SUCLG2: variants seen among roughly 807,000 people sequenced by gnomAD.
SUCLG2 encodes the protein succinate-CoA ligase GDP-forming subunit beta, also known as succinate--CoA ligase [GDP-forming] subunit beta, mitochondrial.
A neutral mutation model predicts 47.9 loss-of-function variants in SUCLG2; 42 were observed. That is an observed-to-expected ratio of 0.88 (90% confidence interval 0.69 to 1.14). The LOEUF is 1.14. SUCLG2 is among the 50% of genes most tolerant of loss of function. SUCLG2 has a pLI of 0.00. For synonymous variants in SUCLG2, 195 were observed against 197.3 expected, an observed-to-expected ratio of 0.99 and a Z score of 0.10; for missense variants, 571 against 525.9, an observed-to-expected ratio of 1.09 and a Z score of -0.84.
chr3:67,630,641 G>C (rs1036849891), intron 1 of SUCLG2, among the ~76,000 whole-genome samples: 5 of 152,200 alleles, frequency 3.3e-5, no homozygotes, highest in African/African-American at 1.2e-4. Flanking sequence ...AAGATGCCCA[G>C]CACTTGTACC....
chr3:67,654,311 G>C (rs1051471423), intron 1 of SUCLG2, among the ~76,000 whole-genome samples, 192 bp downstream of exon 1: 1 of 152,312 alleles, frequency 6.6e-6, no homozygotes, highest in South Asian at 2.1e-4. Context: ...GGCTGCCGCC[G>C]CGCCGCCCCT....
chr3:67,575,079 T>G (rs182696380), intron 2 of SUCLG2, among the ~76,000 whole-genome samples: 1 of 152,138 alleles, frequency 6.6e-6, no homozygotes, highest in Non-Finnish European at 1.5e-5. Flanking sequence ...TATAAAGAAA[T>G]AGAAACTTTC....
In SUCLG2 at chr3:67,592,726, AAAAAAAAAAACAAC is replaced by A. The variant is rs1404384647; in HGVS notation, c.226+16715_226+16728del. Among the ~76,000 whole-genome samples, 136 of 123,252 alleles carry A rather than the reference AAAAAAAAAAACAAC, an allele frequency of 1.1e-3. 6 individuals carry two copies. The highest frequency in any genetic ancestry group is 3.8e-3 in the African/African-American group (121 of 31,912). The allele number at this position is 123,252 out of a possible 152,430, so 80.9% of individuals were successfully genotyped here. A position where few individuals can be genotyped will look rare whatever the true frequency, so the allele number is the denominator to read the frequency against. On this transcript the variant is annotated intron_variant, in intron 2 of 10. Coordinates refer to ENST00000307227, the MANE Select transcript of SUCLG2 (RefSeq NM_003848.4). Reference sequence around the variant, plus strand: ...GTAACTCTCACATCCTCCAAAAAAAAAAAAAAAAAACAACAAAAAAAAACTGAATATCAAAGCCA... The same window carrying A: ...GTAACTCTCACATCCTCCAAAAAAAAAAAAAAAAACTGAATATCAAAGCCA...
At chr3:67,585,755 A>T (rs1367744145) in intron 2 of SUCLG2, among the ~76,000 whole-genome samples, 1 of 151,794 alleles carries the variant, frequency 6.6e-6, no homozygotes, top group African/African-American at 2.4e-5. Flanking sequence ...TTGAGGTCAG[A>T]AGTTCAAGAC....
In SUCLG2 at chr3:67,654,549, A is replaced by T. The variant is rs899791828; in HGVS notation, c.38T>A (p.Leu13Gln). Residue 13 changes from leucine to glutamine, a missense_variant, in exon 1 of 11, where the codon CTG (leucine) becomes CAG (glutamine). Leu to Gln is a moderately radical substitution (Grantham distance 113). Transcript: ENST00000307227. ...GCGGGGCCGCAGCGCTAGGGCTCGC[A>T]GAAGCTTCCCGGCCTGCGCTGCTAC... ...SPVAAQAGKL[L>Q]RALALRPRFL... The T allele has an allele frequency of 5.5e-6, 7 of 1,270,104 alleles. No individual in the cohort carries two copies. Among genetic ancestry groups the T allele is most frequent in the East Asian group, 5.9e-5 (2 of 33,920 alleles). The allele number at this position is 1,270,104 out of a possible 1,614,324, so 78.7% of individuals were successfully genotyped here.
chr3:67,430,420 A>G (rs979717994), intron 9 of SUCLG2, among the ~76,000 whole-genome samples: 3 of 152,224 alleles, frequency 2.0e-5, no homozygotes, highest in African/African-American at 7.2e-5. Flanking sequence ...AAGACACAAC[A>G]TACCAGAATC....
At chr3:67,446,417 ATTTTTTTTTTTT>A (rs750956324) in intron 9 of SUCLG2, among the ~76,000 whole-genome samples, 18 of 32,194 alleles carry the variant, frequency 5.6e-4, no homozygotes, top group Admixed American at 3.7e-3. Context: ...ACATATGTAC[ATTTTTTTTTTTT>A]TTTTTTTTTT....
intron 2 of SUCLG2, among the ~76,000 whole-genome samples, chr3:67,555,230 G>GAAATTGGGTT (rs1707126497): frequency 6.6e-6 from 1 of 152,132 alleles, no homozygotes; most frequent in Non-Finnish European, 1.5e-5. Context: ...GAAATTGGAA[G>GAAATTGGGTT]TATCAATATA....
At chr3:67,425,177 G>A (rs568562331) in intron 9 of SUCLG2, among the ~76,000 whole-genome samples, 1 of 152,294 alleles carries the variant, frequency 6.6e-6, no homozygotes, top group Admixed American at 6.5e-5. Context: ...ACAGGGCAAA[G>A]AGTTTCCTAT....
At chr3:67,404,614 G>T (rs1702761988) in intron 9 of SUCLG2, among the ~76,000 whole-genome samples, 1 of 152,050 alleles carries the variant, frequency 6.6e-6, no homozygotes, top group African/African-American at 2.4e-5. Flanking sequence ...TCACCACCCT[G>T]GGTGGTGAGA....
intron 10 of SUCLG2, among the ~76,000 whole-genome samples, chr3:67,361,189 G>C (rs1011282768): frequency 6.6e-6 from 1 of 151,550 alleles, no homozygotes; most frequent in East Asian, 1.9e-4. Context: ...AATCACTCAA[G>C]AGTCTTTTGG....
At chr3:67,467,520 T>C (rs934635746) in intron 9 of SUCLG2, among the ~76,000 whole-genome samples, 4 of 152,198 alleles carry the variant, frequency 2.6e-5, no homozygotes, top group African/African-American at 9.6e-5. Flanking sequence ...AGTAAAAGAA[T>C]GATGTCTTTG....
chr3:67,551,875 T>G (rs1707023588), intron 2 of SUCLG2, among the ~76,000 whole-genome samples: 3 of 152,132 alleles, frequency 2.0e-5, no homozygotes. Flanking sequence ...ATAAAGTCAC[T>G]TGCCCAATAT....
chr3:67,643,533 T>C (rs1037771697), intron 1 of SUCLG2, among the ~76,000 whole-genome samples: 1 of 152,200 alleles, frequency 6.6e-6, no homozygotes, highest in African/African-American at 2.4e-5. Flanking sequence ...TCTTATCCTC[T>C]TCCTACATTC....
At chr3:67,441,599 C>T (rs888247235) in intron 9 of SUCLG2, among the ~76,000 whole-genome samples, 2 of 152,146 alleles carry the variant, frequency 1.3e-5, no homozygotes, top group South Asian at 2.1e-4. Flanking sequence ...TATTTCCAAC[C>T]CTCAAAAACT....
intron 2 of SUCLG2, among the ~76,000 whole-genome samples, chr3:67,593,083 T>C (rs1708210014): frequency 6.6e-6 from 1 of 152,234 alleles, no homozygotes; most frequent in African/African-American, 2.4e-5. Context: ...CAGGTGGATA[T>C]ACGTCAACCT....
chr3:67,376,330 T>C (rs1463995625), intron 10 of SUCLG2: 2 of 985,374 alleles, frequency 2.0e-6, no homozygotes, highest in Non-Finnish European at 2.4e-6. Flanking sequence ...CTCCTCACTC[T>C]ATAAAATGAA....
intron 1 of SUCLG2, among the ~76,000 whole-genome samples, chr3:67,654,205 C>G (rs1053666838): frequency 2.0e-5 from 3 of 152,264 alleles, no homozygotes; most frequent in South Asian, 2.1e-4. Flanking sequence ...CTTAAACTTG[C>G]GTCCAGCGCC....
At chr3:67,605,224 T>C (rs1700387486) in intron 2 of SUCLG2, among the ~76,000 whole-genome samples, 1 of 152,222 alleles carries the variant, frequency 6.6e-6, no homozygotes, top group Non-Finnish European at 1.5e-5. Context: ...AGTTTTAATC[T>C]TAACCTCAAA....
Sources: gnomAD v4.1 joint callset for allele counts (sites outside exome capture counted in the v4.1 genomes callset) on GRCh38, gnomAD v4.1.1 for gene constraint, MANE v1.5 for transcripts, NCBI Gene and HGNC (gene_info 2026-07-23, HGNC 2026-07-21) for gene names.